The following UBR3 variants were observed in gnomAD, a reference collection of about 807,000 sequenced individuals.
The protein encoded by UBR3 is ubiquitin protein ligase E3 component n-recognin 3.
Under a neutral mutation model 243.2 loss-of-function variants are expected in UBR3, and 85 were observed. The observed-to-expected ratio is 0.35, with a 90% CI of 0.29 to 0.42. The LOEUF is 0.42. Among genes scored for constraint, UBR3 ranks in the 10% least tolerant of loss-of-function variants. The pLI is 1.00. For missense variants in UBR3, 1,686 were observed against 2,300.8 expected, an observed-to-expected ratio of 0.73 and a Z score of 5.47; for synonymous variants, 748 against 799.8, an observed-to-expected ratio of 0.94 and a Z score of 1.09.
chr2:169,881,899 ATATAGG>A (rs1435725430), intron 5 of UBR3, among the ~76,000 whole-genome samples: 2 of 104,194 alleles, frequency 1.9e-5, no homozygotes, highest in Admixed American at 1.1e-4. Context: ...ACATGTATAC[ATATAGG>A]TATATGTATA....
chr2:170,005,469 T>G (rs1252137525), intron 27 of UBR3, among the ~76,000 whole-genome samples: 1 of 152,130 alleles, frequency 6.6e-6, no homozygotes, highest in East Asian at 1.9e-4. Flanking sequence ...AAAGGACACA[T>G]AGAGGGCGAG....
intron 30 of UBR3, among the ~76,000 whole-genome samples, chr2:170,023,190 C>G (rs2090437607): frequency 6.6e-6 from 1 of 151,656 alleles, no homozygotes; most frequent in South Asian, 2.1e-4. Flanking sequence ...CCACGCTGGC[C>G]TCAAACTCCT....
rs557906528 is a variant in UBR3 at position 169,979,164 on chromosome 2, C to T, written c.3635-7481C>T. ...AATAAGTATGTCAAAAGATGCTCAG[C>T]ATCATTATCATTAGGGAAATGCAGA... is the stretch of plus-strand genomic sequence containing the variant. On this transcript the variant is annotated intron_variant, in intron 24 of 38. Coordinates refer to ENST00000272793, the MANE Select transcript of UBR3 (RefSeq NM_172070.4). Among the ~76,000 whole-genome samples the T allele has an allele frequency of 4.6e-5, 7 of 152,308 alleles. No homozygotes were observed. In the East Asian group the frequency reaches 1.3e-3, roughly 29 times the overall value.
chr2:169,913,580 C>T (rs960560244), intron 10 of UBR3, among the ~76,000 whole-genome samples: 1 of 152,036 alleles, frequency 6.6e-6, no homozygotes, highest in Non-Finnish European at 1.5e-5. Context: ...TCTGCCCTTT[C>T]TTTTTAATTG....
At chr2:170,050,619 T>G (rs764542479) in intron 32 of UBR3, among the ~76,000 whole-genome samples, 1 of 152,210 alleles carries the variant, frequency 6.6e-6, no homozygotes, top group Admixed American at 6.5e-5. Flanking sequence ...TTTAAACACA[T>G]TGACTTAGAT....
chr2:169,853,061 GTT>G (rs1203860526), intron 1 of UBR3, among the ~76,000 whole-genome samples: 1 of 152,112 alleles, frequency 6.6e-6, no homozygotes, highest in Non-Finnish European at 1.5e-5. Flanking sequence ...TAATAGCTGT[GTT>G]TTGGCTTTAC....
intron 10 of UBR3, among the ~76,000 whole-genome samples, chr2:169,910,483 A>G (rs550286773): frequency 6.6e-6 from 1 of 152,148 alleles, no homozygotes; most frequent in Non-Finnish European, 1.5e-5. Context: ...AAAAATCATT[A>G]TTTCCGGGCA....
In UBR3 at chr2:169,949,985, G is replaced by A. The variant is rs774675683; in HGVS notation, c.3465G>A (p.Glu1155=). The change falls in exon 23 of 39, where the codon GAG becomes GAA. Residue 1155 remains glutamate (E), a synonymous_variant. Coordinates refer to ENST00000272793, the MANE Select transcript of UBR3 (RefSeq NM_172070.4). ...QSRMNKRIIE[E]ICRKVTPPVP... ...GAATGAACAAACGCATCATTGAAGA[G>A]ATATGTAGAAAAGTGACCCCTCCTG... 1 of 1,613,422 alleles carries A rather than the reference G, an allele frequency of 6.2e-7. No individual in the cohort carries two copies. Among genetic ancestry groups the A allele is most frequent in the African/African-American group, 1.3e-5 (1 of 74,914 alleles).
intron 5 of UBR3, among the ~76,000 whole-genome samples, chr2:169,887,262 T>A (rs2084138659): frequency 6.6e-6 from 1 of 152,194 alleles, no homozygotes; most frequent in Non-Finnish European, 1.5e-5. Flanking sequence ...CAGGGTCTAT[T>A]TAAGGTCTGA....
intron 1 of UBR3, among the ~76,000 whole-genome samples, chr2:169,837,121 G>T (rs920703723): frequency 1.3e-5 from 2 of 152,118 alleles, no homozygotes; most frequent in African/African-American, 2.4e-5. Flanking sequence ...TGTCCATCTG[G>T]AATTTATTTT....
At chr2:170,061,513 A>C in intron 35 of UBR3, 70 bp downstream of exon 35, 2 of 1,569,724 alleles carry the variant, frequency 1.3e-6, no homozygotes, top group Non-Finnish European at 1.7e-6. Flanking sequence ...TGTTGCCCAG[A>C]CTGGAGTGCA....
chr2:169,949,842 T>C lies in UBR3; in HGVS notation c.3322T>C (p.Tyr1108His). ...ACTCTCAGGAAAACAAAACTCCTAC[T>C]ATCCTCCTTGGCTTGATGACATAGA... ...HKLSGKQNSY[Y>H]PPWLDDIEIL... The change falls in exon 23 of 39, where the codon TAT becomes CAT. Residue 1108 changes from tyrosine to histidine, a missense_variant. This residue lies in a region of UBR3 where 300 missense variants were observed against 314.4 expected (regional missense o/e 0.95). Transcript: ENST00000272793. 6 of 1,572,698 alleles carry C rather than the reference T, an allele frequency of 3.8e-6. No homozygotes were observed. The highest frequency in any genetic ancestry group is 3.5e-6 in the Non-Finnish European group (4 of 1,157,118).
At chr2:170,070,692 A>C (rs1353588168) in intron 35 of UBR3, among the ~76,000 whole-genome samples, 1 of 152,146 alleles carries the variant, frequency 6.6e-6, no homozygotes. Flanking sequence ...GCAGTGAGCA[A>C]TCTGAAAATG....
rs1400190205 is a variant in UBR3, at chr2:169,949,740, T to A, written c.3220T>A (p.Ser1074Thr). Residue 1074 changes from serine (S) to threonine (T), a missense_variant, in exon 23 of 39, where the codon TCA (serine) becomes ACA (threonine). Coordinates refer to ENST00000272793, the MANE Select transcript of UBR3 (RefSeq NM_172070.4). ...TTCAAGTAAATGGTCTGCTCCTGGT[T>A]CAGCTCCACAGTTAACTACAGCCAT... ...KTSSKWSAPG[S>T]APQLTTAILE... is the part of the protein sequence containing the mutation. 2 of 1,551,690 alleles carry A rather than the reference T, an allele frequency of 1.3e-6. No individual in the cohort carries two copies. Among genetic ancestry groups the A allele is most frequent in the Non-Finnish European group, 1.7e-6 (2 of 1,146,808 alleles).
intron 31 of UBR3, among the ~76,000 whole-genome samples, chr2:170,039,293 G>A (rs1479278121): frequency 1.3e-5 from 2 of 152,086 alleles, no homozygotes; most frequent in African/African-American, 4.8e-5. Context: ...GATTTAAAAT[G>A]TCCACTAAAT....
chr2:170,030,200 T>C (rs1207107780), intron 31 of UBR3, among the ~76,000 whole-genome samples: 1 of 152,146 alleles, frequency 6.6e-6, no homozygotes, highest in Admixed American at 6.6e-5. Flanking sequence ...ACTTTTGACA[T>C]GAGCCAAGTA....
chr2:169,876,563 A>G (rs2083622585), intron 3 of UBR3, among the ~76,000 whole-genome samples: 1 of 148,566 alleles, frequency 6.7e-6, no homozygotes, highest in African/African-American at 2.5e-5. Flanking sequence ...ATTGTATTGT[A>G]TTGTATTTTT....
At chr2:169,855,711 T>C (rs1410743873) in intron 1 of UBR3, among the ~76,000 whole-genome samples, 2 of 152,244 alleles carry the variant, frequency 1.3e-5, no homozygotes, top group Non-Finnish European at 2.9e-5. Flanking sequence ...GAATTTTTCT[T>C]AGTACAGAAC....
At chr2:169,847,568 A>T (rs1002242106) in intron 1 of UBR3, among the ~76,000 whole-genome samples, 19 of 152,262 alleles carry the variant, frequency 1.2e-4, no homozygotes, top group African/African-American at 4.6e-4. Flanking sequence ...TTTTATTTAC[A>T]GTCAACAATT....
Sources: allele counts gnomAD v4.1 joint callset (sites outside exome capture counted in the v4.1 genomes callset), GRCh38; gene constraint gnomAD v4.1.1; regional missense constraint gnomAD v4.1.1; transcripts MANE v1.5; gene names NCBI Gene and HGNC (gene_info 2026-07-23, HGNC 2026-07-21).